The following BTG4 variants were observed in gnomAD, a reference collection of about 807,000 sequenced individuals.
The protein encoded by BTG4 is BTG anti-proliferation factor 4, also known as protein BTG4.
A neutral mutation model predicts 19.3 loss-of-function variants in BTG4; 10 were observed. The ratio of observed to expected loss-of-function variants is 0.52; its 90% CI spans 0.32 to 0.88. The LOEUF (loss-of-function observed/expected upper bound fraction) is 0.88. Ranked by LOEUF, BTG4 falls within the 40% of genes least tolerant of loss-of-function variation. The pLI, the probability that BTG4 is intolerant of heterozygous loss-of-function variation, is 0.04. For missense variants in BTG4, 238 were observed against 281.9 expected (o/e 0.84, Z 1.11); for synonymous variants, 91 against 95.7 (o/e 0.95, Z 0.29).
At chr11:111,458,490 G>T in the BTG4 span, among the ~76,000 whole-genome samples, 1 of 152,090 alleles carries the variant, frequency 6.6e-6, no homozygotes, top group South Asian at 2.1e-4. Flanking sequence ...TTACTTCATG[G>T]CTCATGAAAC....
chr11:111,434,411 CG>C, the BTG4 span, among the ~76,000 whole-genome samples: 3 of 151,856 alleles, frequency 2.0e-5, no homozygotes, highest in Non-Finnish European at 4.4e-5. Context: ...TGGGAGGGCT[CG>C]GGGAGGGATA....
the BTG4 span, among the ~76,000 whole-genome samples, chr11:111,388,789 G>A: frequency 4.6e-5 from 7 of 152,220 alleles, no homozygotes; most frequent in African/African-American, 1.7e-4. Flanking sequence ...CGGGGATGCT[G>A]GTGGTTTGAT....
At chr11:111,481,791 C>A (rs1026871214) in intron 5 of BTG4, among the ~76,000 whole-genome samples, 14 of 151,606 alleles carry the variant, frequency 9.2e-5, no homozygotes, top group Non-Finnish European at 1.9e-4. Context: ...ATGATTAAAA[C>A]CCTCAAAAAA....
the BTG4 span, chr11:111,449,401 G>A: frequency 6.6e-6 from 1 of 151,360 alleles, no homozygotes; most frequent in African/African-American, 2.4e-5. Flanking sequence ...GCTGTGTCCA[G>A]TGGGAACACA....
At chr11:111,502,166 C>T (rs1866127820) in intron 1 of BTG4, among the ~76,000 whole-genome samples, 1 of 151,888 alleles carries the variant, frequency 6.6e-6, no homozygotes, top group South Asian at 2.1e-4. Flanking sequence ...GAGATGGAGT[C>T]TCCCTATGTT....
chr11:111,492,884 C>T (rs1865501171), downstream of BTG4, among the ~76,000 whole-genome samples: 1 of 151,972 alleles, frequency 6.6e-6, no homozygotes, highest in South Asian at 2.1e-4. Flanking sequence ...TACCAGAGTC[C>T]CCGGTAATCC....
At chr11:111,442,484 G>C in the BTG4 span, among the ~76,000 whole-genome samples, 1 of 148,842 alleles carries the variant, frequency 6.7e-6, no homozygotes, top group Non-Finnish European at 1.5e-5. Flanking sequence ...CTGCATGACA[G>C]AGTAAGATTG....
chr11:111,495,767 G>A (rs2135667933), intron 4 of BTG4, among the ~76,000 whole-genome samples: 1 of 152,272 alleles, frequency 6.6e-6, no homozygotes, highest in South Asian at 2.1e-4. Context: ...CCAAATGGAA[G>A]AAGACCTTTC....
At chr11:111,459,799 G>C in the BTG4 span, 1 of 152,686 alleles carries the variant, frequency 6.5e-6, no homozygotes, top group Admixed American at 6.5e-5. Flanking sequence ...AAAGGTAGGA[G>C]AGAACTTTGG....
At chr11:111,463,734 C>T (rs1044935942), downstream of BTG4, among the ~76,000 whole-genome samples, 6 of 152,202 alleles carry the variant, frequency 3.9e-5, no homozygotes, top group Non-Finnish European at 7.3e-5. Context: ...GATCTGGGTG[C>T]AGCTTAGCTG....
the BTG4 span, among the ~76,000 whole-genome samples, chr11:111,405,434 A>AAAAAAAAC: frequency 7.2e-6 from 1 of 138,948 alleles, no homozygotes; most frequent in Non-Finnish European, 1.6e-5. Context: ...AAAAAAAAAA[A>AAAAAAAAC]AGATGTCAGG....
chr11:111,465,219 G>C (rs1863651542), downstream of BTG4, among the ~76,000 whole-genome samples: 1 of 152,102 alleles, frequency 6.6e-6, no homozygotes. Flanking sequence ...AAATGCATGT[G>C]TGCCTTTCAG....
the BTG4 span, among the ~76,000 whole-genome samples, chr11:111,437,768 G>A: frequency 0.011 from 1,746 of 152,278 alleles, 163 homozygotes; most frequent in East Asian, 0.23. Context: ...CCATCCTGGG[G>A]TCTCTTACTT....
At chr11:111,477,839 A>G (rs772902512) in intron 5 of BTG4, among the ~76,000 whole-genome samples, 52 of 152,118 alleles carry the variant, frequency 3.4e-4, no homozygotes, top group Admixed American at 1.2e-3. Flanking sequence ...AATAAATCCT[A>G]TAAACTAACA....
chr11:111,437,341 C>CA, the BTG4 span, among the ~76,000 whole-genome samples: 1 of 152,132 alleles, frequency 6.6e-6, no homozygotes, highest in Non-Finnish European at 1.5e-5. Flanking sequence ...AACTCCTCAG[C>CA]AAAAATGACC....
At chr11:111,409,677 CACAA>C in the BTG4 span, among the ~76,000 whole-genome samples, 1 of 152,170 alleles carries the variant, frequency 6.6e-6, no homozygotes, top group African/African-American at 2.4e-5. Flanking sequence ...TTTATAGCAA[CACAA>C]ACAGACTAAG....
At chr11:111,396,721 T>C in the BTG4 span, 1 of 152,246 alleles carries the variant, frequency 6.6e-6, no homozygotes, top group South Asian at 2.1e-4. Context: ...TTTCTAACCC[T>C]CCTTTTACAG....
intron 1 of BTG4, among the ~76,000 whole-genome samples, chr11:111,504,735 G>C (rs1476520260): frequency 6.6e-6 from 1 of 151,910 alleles, no homozygotes; most frequent in Non-Finnish European, 1.5e-5. Flanking sequence ...GACTCCTCTA[G>C]AAGACTCCTT....
intron 3 of BTG4, 100 bp from the exon 4 acceptor site, chr11:111,497,509 A>G: frequency 1.3e-6 from 1 of 771,660 alleles, no homozygotes; most frequent in Non-Finnish European, 1.8e-6. Context: ...TTTAAAAGAA[A>G]TTGCCTTAAA....
Sources: gnomAD v4.1 joint callset for allele counts (sites outside exome capture counted in the v4.1 genomes callset) on GRCh38, gnomAD v4.1.1 for gene constraint, MANE v1.5 for transcripts, NCBI Gene and HGNC (gene_info 2026-07-23, HGNC 2026-07-21) for gene names.